The following FAT4 variants were observed in gnomAD, a reference collection of about 807,000 sequenced individuals.
The protein encoded by FAT4 is FAT atypical cadherin 4, also known as protocadherin Fat 4.
FAT4 carries 84 observed loss-of-function variants against 303.9 expected under a neutral mutation model. The observed-to-expected ratio is 0.28, with a 90% CI of 0.23 to 0.33. The LOEUF is 0.33. Ranked by LOEUF, FAT4 falls within the 10% of genes least tolerant of loss-of-function variation. The probability of loss-of-function intolerance (pLI) is 1.00; values close to 1 mark genes in which losing one functional copy is unlikely to be tolerated. For synonymous variants in FAT4, 2,307 were observed against 2,298.8 expected (o/e 1.00, Z -0.10); for missense variants, 6,005 against 6,146.8 (o/e 0.98, Z 0.77).
intron 8 of FAT4, among the ~76,000 whole-genome samples, chr4:125,439,335 CTTTT>C (rs748291081): frequency 7.1e-6 from 1 of 140,028 alleles, no homozygotes; most frequent in African/African-American, 2.6e-5. Flanking sequence ...GATTTCTTTT[CTTTT>C]TTTTTTTTTT....
intron 8 of FAT4, 144 bp from the exon 9 acceptor site, chr4:125,446,149 A>G: frequency 1.5e-6 from 1 of 648,700 alleles, no homozygotes; most frequent in Non-Finnish European, 2.6e-6. Context: ...TATTAGCTAG[A>G]CTAGTTGTAT....
In FAT4 at chr4:125,320,288, A is replaced by G. The variant is rs1484186320; in HGVS notation, c.3877A>G (p.Ile1293Val). The G allele has an allele frequency of 6.2e-6, 10 of 1,613,948 alleles. No individual in the cohort carries two copies. Among genetic ancestry groups the G allele is most frequent in the African/African-American group, 1.3e-5 (1 of 74,950 alleles). Residue 1293 changes from isoleucine to valine, a missense_variant, in exon 2 of 18, where the codon ATC (isoleucine) becomes GTC (valine). Ile to Val is a conservative substitution (Grantham distance 29). Coordinates refer to ENST00000394329, the MANE Select transcript of FAT4 (RefSeq NM_001291303.3). ...LVIQAVDSGT[I>V]PLNSTCTLNI... is the part of the protein sequence containing the mutation. The stretch of plus-strand genomic sequence containing the variant: ...AATTCAAGCAGTGGATTCAGGGACA[A>G]TCCCCCTCAATTCAACGTGTACTTT...
intron 5 of FAT4, among the ~76,000 whole-genome samples, chr4:125,413,951 A>C (rs1395889307): frequency 6.6e-6 from 1 of 152,014 alleles, no homozygotes; most frequent in African/African-American, 2.4e-5. Flanking sequence ...TTAAAGATAG[A>C]TTACCTGGAT....
chr4:125,458,899 T>C (rs1329957392), intron 10 of FAT4, among the ~76,000 whole-genome samples: 7 of 151,992 alleles, frequency 4.6e-5, no homozygotes, highest in Non-Finnish European at 7.4e-5. Flanking sequence ...TAGACTATCT[T>C]CATAGCTCCT....
In FAT4 at chr4:125,490,121, C is replaced by A. The variant is rs1357034003; in HGVS notation, c.13305C>A (p.His4435Gln). ...RCVPPGDCAS[H>Q]PCQNGGSCEP... ...TCCCTCCTGGGGACTGTGCCTCCCA[C>A]CCGTGCCAGAATGGTGGCAGCTGTG... Residue 4435 changes from histidine to glutamine, a missense_variant, in exon 18 of 18, where the codon CAC (histidine) becomes CAA (glutamine). Transcript: ENST00000394329. 5.6e-6 allele frequency: 9 copies of A among 1,613,948 alleles called. No homozygotes were observed. Among genetic ancestry groups the A allele is most frequent in the African/African-American group, 1.3e-5 (1 of 74,886 alleles).
chr4:125,461,603 A>G (rs1170645029), intron 10 of FAT4, among the ~76,000 whole-genome samples: 1 of 152,026 alleles, frequency 6.6e-6, no homozygotes, highest in Non-Finnish European at 1.5e-5. Flanking sequence ...TGTTACTTTT[A>G]ACACAACTCT....
At chr4:125,463,925 A>G (rs1726569231) in intron 11 of FAT4, among the ~76,000 whole-genome samples, 1 of 152,078 alleles carries the variant, frequency 6.6e-6, no homozygotes. Context: ...TTTCCCCCCA[A>G]AGATTTATGG....
At chr4:125,420,220 AAT>A (rs1735236185) in intron 7 of FAT4, among the ~76,000 whole-genome samples, 1 of 152,190 alleles carries the variant, frequency 6.6e-6, no homozygotes, top group Admixed American at 6.5e-5. Flanking sequence ...TTCTACATAA[AAT>A]ATATGAGTAT....
At chr4:125,359,908 C>G (rs1732587838) in intron 2 of FAT4, among the ~76,000 whole-genome samples, 1 of 152,044 alleles carries the variant, frequency 6.6e-6, no homozygotes, top group Admixed American at 6.6e-5. Context: ...AGAAGTAGTT[C>G]CAAAGATTAC....
In FAT4 at chr4:125,318,549, C is replaced by T. The variant is rs1730755150; in HGVS notation, c.2138C>T (p.Ala713Val). Residue 713 changes from alanine to valine, a missense_variant, in exon 2 of 18, where the codon GCC becomes GTC. Physicochemically the swap from Ala to Val is moderately conservative, Grantham distance 64. Coordinates refer to ENST00000394329, the MANE Select transcript of FAT4 (RefSeq NM_001291303.3). ...GGTAGCTACATCACCACTGTGTCTG[C>T]CACTGACCCAGACTTGGGTACCAAT... Reference protein sequence around the residue: ...PGGSYITTVSATDPDLGTNGT... With the variant: ...PGGSYITTVSVTDPDLGTNGT... 6.2e-7 allele frequency: 1 copy of T among 1,614,198 alleles called. No homozygotes were observed.
Position 125,450,098 on chromosome 4 carries a change from C to G in FAT4, c.9088C>G (p.His3030Asp). The G allele has an allele frequency of 1.2e-6, 2 of 1,613,726 alleles. No individual in the cohort carries two copies. Among genetic ancestry groups the G allele is most frequent in the East Asian group, 4.5e-5 (2 of 44,860 alleles). Residue 3030 changes from histidine (H) to aspartate (D), a missense_variant, in exon 10 of 18, where the codon CAT becomes GAT. Physicochemically the swap from His to Asp is moderately conservative, Grantham distance 81. Coordinates refer to ENST00000394329, the MANE Select transcript of FAT4 (RefSeq NM_001291303.3). ...GGAGTATTTCATTTCTAATGATAAC[C>G]ATTTAGGAAAATTTAAGTTGGACAA... ...EVEYFISNDN[H>D]LGKFKLDNDT...
chr4:125,427,380 G>A (rs1207903394), intron 7 of FAT4, among the ~76,000 whole-genome samples: 1 of 151,314 alleles, frequency 6.6e-6, no homozygotes, highest in African/African-American at 2.4e-5. Context: ...TTTATCTTAA[G>A]GAAATATAGT....
chr4:125,462,976 C>T (rs777906268), intron 10 of FAT4, among the ~76,000 whole-genome samples: 6 of 151,890 alleles, frequency 4.0e-5, no homozygotes, highest in Non-Finnish European at 7.4e-5. Flanking sequence ...TAGGTATTAT[C>T]GCTTCAGACA....
In FAT4 at chr4:125,451,914, T is replaced by G; in HGVS notation, c.10904T>G (p.Leu3635Ter). The G allele has an allele frequency of 6.2e-7, 1 of 1,614,130 alleles. No homozygotes were observed. Among genetic ancestry groups the G allele is most frequent in the Non-Finnish European group, 8.5e-7 (1 of 1,180,016 alleles). ...YYGNLFPGGILGSVKPQDPDV... is the reference protein window; with the variant it reads ...YYGNLFPGGI The stretch of plus-strand genomic sequence containing the variant: ...GGTAACTTGTTTCCCGGTGGGATTT[T>G]AGGCTCTGTGAAGCCACAGGATCCA... The change falls in exon 10 of 18, where the codon TTA becomes TGA. Residue 3635 changes from leucine to a stop codon, truncating the protein, a stop_gained. Coordinates refer to ENST00000394329, the MANE Select transcript of FAT4 (RefSeq NM_001291303.3). LOFTEE classifies it high-confidence loss of function.
At position 125,316,689 on chromosome 4, in the gene FAT4, C is replaced by T. The variant is rs1447543267; in HGVS notation, c.278C>T (p.Thr93Ile). ...AGTAGCACCGGAGCCCTGTACACCA[C>T]CTCCACCATCGACCGCGAGAGCCTG... ...INSSTGALYTTSTIDRESLPS... is the reference protein window; with the variant it reads ...INSSTGALYTISTIDRESLPS... The change falls in exon 2 of 18, where the codon ACC (threonine) becomes ATC (isoleucine). Residue 93 changes from threonine to isoleucine, a missense_variant. Thr to Ile is a moderately conservative substitution (Grantham distance 89, BLOSUM62 -1). Transcript: ENST00000394329. The surrounding 1 kb of genome is among the most constrained non-coding windows in gnomAD (Gnocchi z 5.7). The T allele has an allele frequency of 1.9e-6, 3 of 1,613,572 alleles. No individual in the cohort carries two copies. Among genetic ancestry groups the T allele is most frequent in the Non-Finnish European group, 2.5e-6 (3 of 1,180,038 alleles).
At chr4:125,487,205 A>G (rs937451032) in intron 16 of FAT4, 140 bp from the exon 17 acceptor site, 2 of 658,538 alleles carry the variant, frequency 3.0e-6, no homozygotes, top group Non-Finnish European at 4.9e-6. Context: ...CAAAGTGTGT[A>G]AGTATATTCT....
rs754075125 is a variant in FAT4, at chr4:125,317,935, T to G, written c.1524T>G (p.Ala508=). ...SATDGDSGLN[A]NLRYSIVSGN... ...CTGATGGCGACTCTGGTCTCAATGC[T>G]AATCTGCGTTACAGCATTGTCTCTG... The change falls in exon 2 of 18, where the codon GCT becomes GCG. Residue 508 remains alanine, a synonymous_variant. Transcript: ENST00000394329. The surrounding 1 kb of genome is among the most constrained non-coding windows in gnomAD (Gnocchi z 7.0). 2 of 1,614,176 alleles carry G rather than the reference T, an allele frequency of 1.2e-6. No homozygotes were observed. The highest frequency in any genetic ancestry group is 1.7e-6 in the Non-Finnish European group (2 of 1,180,036).
At chr4:125,400,716 T>TAAA (rs3034198) in intron 3 of FAT4, among the ~76,000 whole-genome samples, 1,997 of 151,400 alleles carry the variant, frequency 0.013, 34 homozygotes, top group African/African-American at 0.042. Flanking sequence ...TTTTTAAGTT[T>TAAA]AAAAAAAAAT....
At chr4:125,440,608 TGTGAGAGAGAGA>T (rs1343479614) in intron 8 of FAT4, among the ~76,000 whole-genome samples, 1 of 57,326 alleles carries the variant, frequency 1.7e-5, no homozygotes, top group Non-Finnish European at 3.2e-5. Flanking sequence ...TGTGTGTGTG[TGTGAGAGAGAGA>T]GAGAGAGAGA....
Sources: allele counts gnomAD v4.1 joint callset (sites outside exome capture counted in the v4.1 genomes callset), GRCh38; gene constraint gnomAD v4.1.1; non-coding constraint Gnocchi (gnomAD v3.1); transcripts MANE v1.5; gene names NCBI Gene and HGNC (gene_info 2026-07-23, HGNC 2026-07-21).